The following SPIRE1 variants were observed in gnomAD, a reference collection of about 807,000 sequenced individuals.
SPIRE1 encodes spire type actin nucleation factor 1, also known as protein spire homolog 1.
SPIRE1 carries 40 observed loss-of-function variants against 94.1 expected under a neutral mutation model. That is an observed-to-expected ratio of 0.43 (90% CI 0.33 to 0.55). The LOEUF (loss-of-function observed/expected upper bound fraction) is 0.55. Ranked by LOEUF, SPIRE1 falls within the 20% of genes least tolerant of loss-of-function variation. SPIRE1 has a pLI of 0.06. For synonymous variants in SPIRE1, 376 were observed against 371.7 expected (o/e 1.01, Z -0.13); for missense variants, 838 against 975.2 (o/e 0.86, Z 1.87).
chr18:12,510,911 C>CT (rs950140620), intron 5 of SPIRE1, among the ~76,000 whole-genome samples: 1 of 152,172 alleles, frequency 6.6e-6, no homozygotes, highest in East Asian at 1.9e-4. Flanking sequence ...CCTACCAACT[C>CT]TAAGTTTTAT....
intron 2 of SPIRE1, among the ~76,000 whole-genome samples, chr18:12,626,897 T>A (rs2037646089): frequency 1.4e-5 from 2 of 143,898 alleles, no homozygotes; most frequent in African/African-American, 5.0e-5. Context: ...TTTTTTTTTT[T>A]TTTTTGCCCA....
chr18:12,475,832 C>CTT (rs2032548459), intron 10 of SPIRE1, among the ~76,000 whole-genome samples: 1 of 152,184 alleles, frequency 6.6e-6, no homozygotes, highest in African/African-American at 2.4e-5. Context: ...AGGGAGAATA[C>CTT]GCTGATGGCC....
At chr18:12,499,998 C>T (rs1214243044) in intron 6 of SPIRE1, among the ~76,000 whole-genome samples, 1 of 152,096 alleles carries the variant, frequency 6.6e-6, no homozygotes, top group Non-Finnish European at 1.5e-5. Context: ...GAGCTGGAGG[C>T]CATTATCCTA....
intron 2 of SPIRE1, among the ~76,000 whole-genome samples, chr18:12,589,267 T>C (rs2036465969): frequency 6.6e-6 from 1 of 152,116 alleles, no homozygotes; most frequent in African/African-American, 2.4e-5. Context: ...CAAACCCAGG[T>C]CTTTCTCCAT....
chr18:12,570,588 G>A (rs182756955), intron 2 of SPIRE1, among the ~76,000 whole-genome samples: 14 of 152,192 alleles, frequency 9.2e-5, no homozygotes, highest in South Asian at 4.1e-4. Context: ...TATACATTAC[G>A]ATGATCCTGG....
intron 2 of SPIRE1, among the ~76,000 whole-genome samples, chr18:12,557,173 G>A (rs879774706): frequency 2.0e-5 from 3 of 152,226 alleles, no homozygotes; most frequent in Admixed American, 2.0e-4. Context: ...GGCAGTCAAT[G>A]GGACCGGTCG....
chr18:12,633,650 T>C (rs979822715), intron 2 of SPIRE1, among the ~76,000 whole-genome samples: 3 of 152,114 alleles, frequency 2.0e-5, no homozygotes, highest in East Asian at 1.9e-4. Flanking sequence ...TTCTCTATTA[T>C]ACAATATAAT....
chr18:12,454,575 C>A (rs1456822367), intron 12 of SPIRE1, 92 bp from the exon 13 acceptor site: 1 of 1,209,060 alleles, frequency 8.3e-7, no homozygotes, highest in African/African-American at 1.5e-5. Context: ...TGATTAGTAG[C>A]TTCAGAGAAG....
At chr18:12,450,988 G>A in intron 16 of SPIRE1, 1 of 591,384 alleles carries the variant, frequency 1.7e-6, no homozygotes, top group South Asian at 1.6e-5. Flanking sequence ...AGGTGGAAGA[G>A]GAAGATGAAG....
intron 10 of SPIRE1, among the ~76,000 whole-genome samples, chr18:12,467,788 A>T (rs2032181684): frequency 6.6e-6 from 1 of 152,160 alleles, no homozygotes; most frequent in Non-Finnish European, 1.5e-5. Context: ...TGTCTCTACT[A>T]AAAATACAAA....
chr18:12,594,922 T>A (rs760590287), intron 2 of SPIRE1, among the ~76,000 whole-genome samples: 5 of 152,218 alleles, frequency 3.3e-5, no homozygotes, highest in Admixed American at 6.5e-5. Flanking sequence ...CTCCACTTAA[T>A]GAATAGTAAA....
At position 12,448,996 on chromosome 18, in the gene SPIRE1, G is replaced by A. The variant is rs908518298; in HGVS notation, c.*642C>T. On this transcript the variant is annotated 3_prime_UTR_variant, in exon 17 of 17. Coordinates refer to ENST00000409402, the MANE Select transcript of SPIRE1 (RefSeq NM_001128626.2). The surrounding 1 kb of genome is among the most constrained non-coding windows in gnomAD (Gnocchi z 4.4). ...CTGAACCAGGGCACTGGGACAACAC[G>A]GCCACTCAGGGGAAATAGTCACCCT... The A allele has an allele frequency of 6.5e-6, 1 of 152,688 alleles. No individual in the cohort carries two copies. Among genetic ancestry groups the A allele is most frequent in the Non-Finnish European group, 1.5e-5 (1 of 68,192 alleles). 9.5% of individuals were successfully genotyped at this position (152,688 alleles called of 1,614,324 possible). A position where few individuals can be genotyped will look rare whatever the true frequency, so the allele number is the denominator to read the frequency against.
chr18:12,471,496 G>C (rs1246721833), intron 10 of SPIRE1, among the ~76,000 whole-genome samples: 1 of 147,478 alleles, frequency 6.8e-6, no homozygotes, highest in Non-Finnish European at 1.5e-5. Context: ...GCTAATTTTT[G>C]TATTTTTAGT....
At chr18:12,487,170 T>C (rs571063583) in intron 8 of SPIRE1, among the ~76,000 whole-genome samples, 62 of 152,290 alleles carry the variant, frequency 4.1e-4, no homozygotes, top group African/African-American at 1.5e-3. Flanking sequence ...AAGTTTTAAA[T>C]TGCATGTTTC....
chr18:12,645,444 A>G (rs1799496683), intron 1 of SPIRE1, among the ~76,000 whole-genome samples: 1 of 152,186 alleles, frequency 6.6e-6, no homozygotes, highest in African/African-American at 2.4e-5. Context: ...AAGAAGTCAG[A>G]GCCTTTGAAC....
chr18:12,461,571 G>GTATA (rs747357790), intron 12 of SPIRE1, among the ~76,000 whole-genome samples: 32 of 61,474 alleles, frequency 5.2e-4, no homozygotes, highest in African/African-American at 8.0e-4. Flanking sequence ...GTATATGTAT[G>GTATA]TACATACATA....
chr18:12,611,764 G>C (rs911007954), intron 2 of SPIRE1, among the ~76,000 whole-genome samples: 1 of 152,156 alleles, frequency 6.6e-6, no homozygotes, highest in Admixed American at 6.5e-5. Flanking sequence ...CCAGGCTCAA[G>C]TGATCGTTCC....
intron 8 of SPIRE1, among the ~76,000 whole-genome samples, chr18:12,490,273 T>C (rs1680408814): frequency 6.6e-6 from 1 of 152,086 alleles, no homozygotes. Flanking sequence ...CAACTACATA[T>C]AATTTTAAAA....
intron 8 of SPIRE1, among the ~76,000 whole-genome samples, chr18:12,486,945 C>T (rs189408491): frequency 1.1e-4 from 16 of 152,258 alleles, no homozygotes; most frequent in East Asian, 5.8e-4. Flanking sequence ...CTCCGCCTCC[C>T]GGGTTCAAGC....
Sources: gnomAD v4.1 joint callset for allele counts (sites outside exome capture counted in the v4.1 genomes callset) on GRCh38, gnomAD v4.1.1 for gene constraint, Gnocchi (gnomAD v3.1) non-coding constraint, MANE v1.5 for transcripts, NCBI Gene and HGNC (gene_info 2026-07-23, HGNC 2026-07-21) for gene names.